Variants in SNAP91 observed in about 807,000 individuals in gnomAD.
The protein encoded by SNAP91 is synaptosome associated protein 91, also known as clathrin coat assembly protein AP180.
A neutral mutation model predicts 100.3 loss-of-function variants in SNAP91; 27 were observed. The ratio of observed to expected loss-of-function variants is 0.27; its 90% CI spans 0.20 to 0.37. The LOEUF is 0.37. SNAP91 is among the 10% of genes least tolerant of loss of function. SNAP91 has a pLI of 1.00. For synonymous variants in SNAP91, 404 were observed against 398.6 expected, an observed-to-expected ratio of 1.01 and a Z score of -0.16; for missense variants, 986 against 1,123.7, an observed-to-expected ratio of 0.88 and a Z score of 1.75.
At chr6:83,558,047 T>C (rs529249923) in intron 28 of SNAP91, among the ~76,000 whole-genome samples, 1 of 152,170 alleles carries the variant, frequency 6.6e-6, no homozygotes, top group African/African-American at 2.4e-5. Context: ...TGTATTCCCA[T>C]CATACTATCT....
chr6:83,566,336 A>G (rs949920941), intron 26 of SNAP91, among the ~76,000 whole-genome samples: 2 of 152,224 alleles, frequency 1.3e-5, no homozygotes, highest in African/African-American at 4.8e-5. Context: ...TTGTTAAAAT[A>G]GTGAATTTAA....
At chr6:83,671,063 T>C (rs900771160) in intron 2 of SNAP91, among the ~76,000 whole-genome samples, 1 of 152,004 alleles carries the variant, frequency 6.6e-6, no homozygotes, top group Non-Finnish European at 1.5e-5. Flanking sequence ...CTTCTGGGAT[T>C]TTGAATGGGA....
intron 8 of SNAP91, among the ~76,000 whole-genome samples, chr6:83,630,526 G>A (rs373586521): frequency 4.2e-4 from 63 of 151,746 alleles, no homozygotes; most frequent in African/African-American, 1.5e-3. Flanking sequence ...CAATCTCACT[G>A]CTTGTCTGTT....
chr6:83,699,339 C>T (rs889673105), intron 2 of SNAP91, among the ~76,000 whole-genome samples: 1 of 151,880 alleles, frequency 6.6e-6, no homozygotes, highest in Non-Finnish European at 1.5e-5. Flanking sequence ...AAGAAACATA[C>T]ATTATCCAGA....
At chr6:83,632,953 GA>G (rs1382178007) in intron 8 of SNAP91, among the ~76,000 whole-genome samples, 1 of 152,168 alleles carries the variant, frequency 6.6e-6, no homozygotes, top group East Asian at 1.9e-4. Flanking sequence ...AGGATTTAAA[GA>G]ACCTTATTTT....
intron 2 of SNAP91, among the ~76,000 whole-genome samples, chr6:83,666,390 TC>T (rs1437050529): frequency 6.6e-6 from 1 of 152,046 alleles, no homozygotes; most frequent in Non-Finnish European, 1.5e-5. Context: ...CTTAAGTACT[TC>T]CAACAGTACA....
intron 22 of SNAP91, among the ~76,000 whole-genome samples, chr6:83,584,906 T>C (rs984300667): frequency 6.6e-6 from 1 of 152,208 alleles, no homozygotes; most frequent in African/African-American, 2.4e-5. Flanking sequence ...AGTGGTAACC[T>C]TCCCATACAT....
At chr6:83,607,290 A>G (rs2095677410) in intron 13 of SNAP91, among the ~76,000 whole-genome samples, 1 of 151,304 alleles carries the variant, frequency 6.6e-6, no homozygotes, top group Non-Finnish European at 1.5e-5. Context: ...TGAGTTCCTC[A>G]TACGCACTAG....
At chr6:83,650,805 T>A (rs923204458) in intron 7 of SNAP91, among the ~76,000 whole-genome samples, 3 of 152,226 alleles carry the variant, frequency 2.0e-5, no homozygotes, top group Non-Finnish European at 4.4e-5. Context: ...TCTCTATTTC[T>A]ATCTTCTGGA....
chr6:83,701,817 G>C (rs534736912), intron 2 of SNAP91, among the ~76,000 whole-genome samples: 6 of 152,348 alleles, frequency 3.9e-5, no homozygotes, highest in African/African-American at 1.4e-4. Flanking sequence ...CTGTACACAA[G>C]GAAGAGGAGG....
chr6:83,575,923 A>T, intron 25 of SNAP91, 100 bp downstream of exon 25: 1 of 670,426 alleles, frequency 1.5e-6, no homozygotes, highest in Non-Finnish European at 2.5e-6. Context: ...ATTATCTAGC[A>T]TGAGAATGAA....
At chr6:83,630,797 G>A (rs1349223707) in intron 8 of SNAP91, among the ~76,000 whole-genome samples, 1 of 148,296 alleles carries the variant, frequency 6.7e-6, no homozygotes, top group Admixed American at 6.7e-5. Context: ...ACAGCTTTTT[G>A]TTTCATTTAT....
intron 3 of SNAP91, among the ~76,000 whole-genome samples, chr6:83,665,204 A>G (rs966582673): frequency 2.6e-5 from 4 of 152,082 alleles, no homozygotes; most frequent in Non-Finnish European, 5.9e-5. Context: ...CAAACCTGCA[A>G]TATCTCTGAG....
intron 16 of SNAP91, among the ~76,000 whole-genome samples, chr6:83,600,591 T>C (rs776471185): frequency 7.9e-5 from 12 of 152,202 alleles, no homozygotes; most frequent in Admixed American, 1.3e-4. Context: ...AGGCATATTA[T>C]AGTGGGTCAG....
At chr6:83,700,097 A>G (rs1317239439) in intron 2 of SNAP91, among the ~76,000 whole-genome samples, 2 of 152,208 alleles carry the variant, frequency 1.3e-5, no homozygotes, top group African/African-American at 4.8e-5. Flanking sequence ...ACACTGAATA[A>G]TAACAGCACG....
intron 7 of SNAP91, among the ~76,000 whole-genome samples, chr6:83,646,403 G>C (rs1182460501): frequency 6.6e-6 from 1 of 152,168 alleles, no homozygotes; most frequent in African/African-American, 2.4e-5. Flanking sequence ...TATTTGTAAA[G>C]GGTATAAGGT....
chr6:83,673,184 G>A (rs946462341), intron 2 of SNAP91, among the ~76,000 whole-genome samples: 1 of 151,528 alleles, frequency 6.6e-6, no homozygotes, highest in Non-Finnish European at 1.5e-5. Flanking sequence ...TTCTCTTTCT[G>A]TTATGGACTG....
intron 2 of SNAP91, among the ~76,000 whole-genome samples, chr6:83,674,911 A>G (rs984638401): frequency 1.3e-5 from 2 of 152,190 alleles, no homozygotes; most frequent in Non-Finnish European, 2.9e-5. Context: ...CATTTCATGC[A>G]CTTCCCAGAA....
chr6:83,633,251 C>G (rs991935510), intron 8 of SNAP91, among the ~76,000 whole-genome samples: 1 of 152,214 alleles, frequency 6.6e-6, no homozygotes, highest in East Asian at 1.9e-4. Context: ...GTGGGTCTCT[C>G]AGCCATGTAT....
Sources: allele counts gnomAD v4.1 joint callset (sites outside exome capture counted in the v4.1 genomes callset), GRCh38; gene constraint gnomAD v4.1.1; transcripts MANE v1.5; gene names NCBI Gene and HGNC (gene_info 2026-07-23, HGNC 2026-07-21).